The following RBAK variants were observed in gnomAD, a reference collection of about 807,000 sequenced individuals.
The protein encoded by RBAK is RB associated KRAB zinc finger.
A neutral mutation model predicts 65.8 loss-of-function variants in RBAK; 39 were observed. The ratio of observed to expected loss-of-function variants is 0.59; its 90% CI spans 0.46 to 0.77. The LOEUF is 0.77. Ranked by LOEUF, RBAK falls within the 30% of genes least tolerant of loss-of-function variation. RBAK has a pLI of 0.00. For synonymous variants in RBAK, 343 were observed against 289.7 expected (o/e 1.18, Z -1.87); for missense variants, 884 against 855.1 (o/e 1.03, Z -0.42).
chr7:5,054,618 G>C lies in RBAK; in HGVS notation c.16-2677G>C, dbSNP rs557936848. 2.2e-3 allele frequency among the ~76,000 whole-genome samples: 330 copies of C among 151,678 alleles called. 2 individuals are homozygous for C. Among genetic ancestry groups the C allele is most frequent in the Admixed American group, 4.3e-3 (66 of 15,250 alleles). On this transcript the variant is annotated intron_variant, in intron 2 of 4. Transcript: ENST00000396912. ...TAATATATATATTTTTTTCTTTGTA[G>C]AGACAGGGTCTTGCTATGTTGCCAA... is the stretch of plus-strand genomic sequence containing the variant.
In RBAK at chr7:5,048,807, G is replaced by A. The variant is rs543009603; in HGVS notation, c.15+716G>A. Among the ~76,000 whole-genome samples, 7 of 152,316 alleles carry A rather than the reference G, an allele frequency of 4.6e-5. No individual in the cohort carries two copies. In the South Asian group the frequency reaches 1.0e-3, roughly 23 times the overall value. On this transcript the variant is annotated intron_variant, in intron 2 of 4. Transcript: ENST00000396912. The surrounding 1 kb of genome is among the most constrained non-coding windows in gnomAD (Gnocchi z 4.4). ...GCTTCAGGAAACTTACAGTCATGGT[G>A]GAAGGCAAAGGGAAAGCGGGTACAT...
intron 4 of RBAK, among the ~76,000 whole-genome samples, chr7:5,061,046 A>G (rs1462606561): frequency 6.6e-6 from 1 of 152,254 alleles, no homozygotes; most frequent in East Asian, 1.9e-4. Context: ...AAGTAAAAGA[A>G]TTATACAGAG....
At position 5,048,374 on chromosome 7, in the gene RBAK, A is replaced by G. The variant is rs1461970127; in HGVS notation, c.15+283A>G. ...TTTTTAGAAGAGACAGGGTTTCACC[A>G]TGTTGGCCAGGCTGGTCTCAAACTC... On this transcript the variant is annotated intron_variant, in intron 2 of 4. Coordinates refer to ENST00000396912, the MANE Select transcript of RBAK (RefSeq NM_021163.4). The surrounding 1 kb of genome is among the most constrained non-coding windows in gnomAD (Gnocchi z 4.4). 3.9e-5 allele frequency among the ~76,000 whole-genome samples: 6 copies of G among 152,014 alleles called. No homozygotes were observed. Among genetic ancestry groups the G allele is most frequent in the Non-Finnish European group, 2.9e-5 (2 of 68,000 alleles).
chr7:5,050,476 A>G (rs554616722), intron 2 of RBAK, among the ~76,000 whole-genome samples: 4 of 152,330 alleles, frequency 2.6e-5, no homozygotes, highest in African/African-American at 9.6e-5. Flanking sequence ...GAACTTAAGA[A>G]CTATTGACTG....
intron 2 of RBAK, among the ~76,000 whole-genome samples, chr7:5,055,033 C>T (rs1407055053): frequency 1.4e-4 from 21 of 152,078 alleles, no homozygotes; most frequent in African/African-American, 5.1e-4. Flanking sequence ...CTGCCCGCCT[C>T]GGCCTCCCAA....
At chr7:5,056,446 C>T (rs1180499310) in intron 2 of RBAK, among the ~76,000 whole-genome samples, 2 of 151,764 alleles carry the variant, frequency 1.3e-5, no homozygotes, top group Non-Finnish European at 2.9e-5. Flanking sequence ...AAGCTGCTTC[C>T]CGTTTGCCAT....
rs1227180109 is a variant in RBAK at position 5,068,672 on chromosome 7, G to C, written c.*3071G>C. The C allele has an allele frequency of 6.6e-6, 1 of 152,206 alleles. No individual in the cohort carries two copies. Among genetic ancestry groups the C allele is most frequent in the Non-Finnish European group, 1.5e-5 (1 of 68,042 alleles). 9.4% of individuals were successfully genotyped at this position (152,206 alleles called of 1,614,324 possible). ...AGCTGGCACTAAAAGCCAAGCATAT[G>C]TATACTGTTTTACCCAAACCCAGCA... On this transcript the variant is annotated 3_prime_UTR_variant, in exon 5 of 5. Coordinates refer to ENST00000396912, the MANE Select transcript of RBAK (RefSeq NM_021163.4).
rs779723757 is a variant in RBAK at position 5,064,109 on chromosome 7, C to A, written c.653C>A (p.Ala218Asp). The change falls in exon 5 of 5, where the codon GCT becomes GAT. Residue 218 changes from alanine (A) to aspartate (D), a missense_variant. Ala to Asp is a moderately radical substitution (Grantham distance 126). Coordinates refer to ENST00000396912, the MANE Select transcript of RBAK (RefSeq NM_021163.4). The surrounding 1 kb of genome is among the most constrained non-coding windows in gnomAD (Gnocchi z 6.3). ...TGCATGGAAGCCTTAGACAATGAGG[C>A]TGTTTTTATTGCTCATAAGAGAGCT... is the stretch of plus-strand genomic sequence containing the variant. ...NECMEALDNE[A>D]VFIAHKRAYI... The A allele has an allele frequency of 5.0e-6, 8 of 1,613,914 alleles. No individual in the cohort carries two copies. The highest frequency in any genetic ancestry group is 5.9e-6 in the Non-Finnish European group (7 of 1,180,000).
chr7:5,063,560 T>C (rs2115044483), intron 4 of RBAK, 135 bp from the exon 5 acceptor site: 1 of 640,386 alleles, frequency 1.6e-6, no homozygotes, highest in African/African-American at 1.8e-5. Flanking sequence ...ACTATGCATT[T>C]GTAATTATTT....
intron 2 of RBAK, among the ~76,000 whole-genome samples, chr7:5,056,274 A>T (rs979925791): frequency 1.7e-4 from 25 of 145,910 alleles, no homozygotes; most frequent in African/African-American, 5.5e-4. Context: ...TGCCCAGCCA[A>T]TTTTTTTTTT....
intron 2 of RBAK, among the ~76,000 whole-genome samples, chr7:5,053,222 G>A (rs956007319): frequency 9.9e-5 from 15 of 152,208 alleles, no homozygotes; most frequent in Non-Finnish European, 1.6e-4. Context: ...ATTCTTGTAC[G>A]TCTGCAAATG....
In RBAK at chr7:5,057,814, T is replaced by G. The variant is rs527472230; in HGVS notation, c.238+35T>G. On this transcript the variant is annotated intron_variant, in intron 4 of 4. Transcript: ENST00000396912. ...TAGCGTATCAAAGGTTAAAAAATGC[T>G]CATCCCAGACCTTTGGGAGAGACTA... 6 of 1,612,522 alleles carry G rather than the reference T, an allele frequency of 3.7e-6. No homozygotes were observed. In the African/African-American group the frequency reaches 8.0e-5, roughly 22 times the overall value.
At chr7:5,053,101 A>G (rs7780922) in intron 2 of RBAK, among the ~76,000 whole-genome samples, 55,855 of 152,070 alleles carry the variant, frequency 0.37, 10,773 homozygotes, top group East Asian at 0.55. Flanking sequence ...GAGAAAATAC[A>G]CAGTTACCAT....
chr7:5,053,532 G>T (rs1487673989), intron 2 of RBAK, among the ~76,000 whole-genome samples: 1 of 151,888 alleles, frequency 6.6e-6, no homozygotes, highest in East Asian at 1.9e-4. Flanking sequence ...TCATCACTTT[G>T]GGAACATTTT....
In RBAK at chr7:5,057,669, T is replaced by C; in HGVS notation, c.143-15T>C. 1 of 1,613,602 alleles carries C rather than the reference T, an allele frequency of 6.2e-7. No individual in the cohort carries two copies. Among genetic ancestry groups the C allele is most frequent in the Non-Finnish European group, 8.5e-7 (1 of 1,179,726 alleles). On this transcript the variant is annotated splice_polypyrimidine_tract_variant and intron_variant, in intron 3 of 4. Coordinates refer to ENST00000396912, the MANE Select transcript of RBAK (RefSeq NM_021163.4). ...AAGCAGCTTCCCCAAGTCCTCCTTC[T>C]TTTCCCATTAACAGGATATGATACC...
chr7:5,053,658 C>A (rs1051510108), intron 2 of RBAK, among the ~76,000 whole-genome samples: 13 of 152,256 alleles, frequency 8.5e-5, no homozygotes, highest in Non-Finnish European at 1.9e-4. Flanking sequence ...GCTTTTAATT[C>A]TTTTTTCTCT....
Position 5,045,892 on chromosome 7 carries a change from C to A in RBAK, c.-549C>A. ...TCGCTTCCTGTGCGTCCTCAGGTCA[C>A]CGCTTGCTCTAGTTCCCAGGCTTTG... is the stretch of plus-strand genomic sequence containing the variant. On this transcript the variant is annotated 5_prime_UTR_variant, in exon 1 of 5. Transcript: ENST00000396912. 2.9e-6 allele frequency: 1 copy of A among 348,730 alleles called. No individual in the cohort carries two copies. Among genetic ancestry groups the A allele is most frequent in the South Asian group, 2.1e-5 (1 of 48,480 alleles). The allele number at this position is 348,730 out of a possible 1,614,324, so 21.6% of individuals were successfully genotyped here.
Position 5,063,935 on chromosome 7 carries a change from C to G in RBAK, c.479C>G (p.Thr160Arg), listed in dbSNP as rs1382254350. The G allele has an allele frequency of 1.2e-6, 2 of 1,613,852 alleles. No individual in the cohort carries two copies. Among genetic ancestry groups the G allele is most frequent in the African/African-American group, 2.7e-5 (2 of 74,914 alleles). Residue 160 changes from threonine to arginine, a missense_variant, in exon 5 of 5, where the codon ACA becomes AGA. Transcript: ENST00000396912. ...LISSDGSYAR[T>R]KPDECNECGK... The stretch of plus-strand genomic sequence containing the variant: ...AGTAGTGATGGAAGCTATGCTAGGA[C>G]AAAACCTGATGAGTGTAATGAATGT...
intron 2 of RBAK, among the ~76,000 whole-genome samples, chr7:5,053,963 A>G (rs143135645): frequency 4.6e-4 from 70 of 152,012 alleles, no homozygotes; most frequent in Non-Finnish European, 8.8e-4. Context: ...CCATTTTCCC[A>G]TCTCGCAACT....
Sources: gnomAD v4.1 joint callset for allele counts (sites outside exome capture counted in the v4.1 genomes callset) on GRCh38, gnomAD v4.1.1 for gene constraint, Gnocchi (gnomAD v3.1) non-coding constraint, MANE v1.5 for transcripts, NCBI Gene and HGNC (gene_info 2026-07-23, HGNC 2026-07-21) for gene names.